Variants in PAPLN observed in about 807,000 individuals in gnomAD.
PAPLN encodes papilin.
A neutral mutation model predicts 159.0 loss-of-function variants in PAPLN; 146 were observed. The observed-to-expected ratio is 0.92, with a 90% CI of 0.80 to 1.05. PAPLN has a LOEUF of 1.05. Ranked by LOEUF, PAPLN falls within the 50% of genes least tolerant of loss-of-function variation. The probability of loss-of-function intolerance (pLI) is 0.00; values close to 1 mark genes in which losing one functional copy is unlikely to be tolerated. For missense variants in PAPLN, 1,720 were observed against 1,743.9 expected (o/e 0.99, Z 0.24); for synonymous variants, 734 against 702.9 (o/e 1.04, Z -0.70).
chr14:73,242,130 G>A (rs1372730108), intron 2 of PAPLN, among the ~76,000 whole-genome samples: 2 of 152,250 alleles, frequency 1.3e-5, no homozygotes, highest in Non-Finnish European at 1.5e-5. Flanking sequence ...CTTCCTTGGA[G>A]AGACAGTGTG....
intron 2 of PAPLN, among the ~76,000 whole-genome samples, chr14:73,241,848 G>A (rs1044690517): frequency 6.6e-6 from 1 of 152,274 alleles, no homozygotes; most frequent in African/African-American, 2.4e-5. Context: ...GGGTGTGCAT[G>A]TGTTCTGTCT....
Position 73,250,961 on chromosome 14 carries a change from C to T in PAPLN, c.520C>T (p.Arg174Trp), listed in dbSNP as rs73305094. The change falls in exon 7 of 27, where the codon CGG (arginine) becomes TGG (tryptophan). Residue 174 changes from arginine to tryptophan, a missense_variant. Arg to Trp is a moderately radical substitution (Grantham distance 101). Coordinates refer to ENST00000644200, the MANE Select transcript of PAPLN (RefSeq NM_001365906.3). ...GTCCAAGCAGGAGGACAAGTGTCTGCGGTGTGGGGGTGACGGCACGACCTG... is the reference window on the plus strand; with the variant it reads ...GTCCAAGCAGGAGGACAAGTGTCTGTGGTGTGGGGGTGACGGCACGACCTG... ...DSSKQEDKCL[R>W]CGGDGTTCYP... The T allele has an allele frequency of 4.7e-4, 761 of 1,613,636 alleles. 8 individuals are homozygous for T. In the South Asian group the frequency reaches 5.9e-3, roughly 12 times the overall value.
At position 73,269,679 on chromosome 14, in the gene PAPLN, C is replaced by T. The variant is rs1277332279; in HGVS notation, c.3667+956C>T. On this transcript the variant is annotated intron_variant, in intron 26 of 26. Coordinates refer to ENST00000644200, the MANE Select transcript of PAPLN (RefSeq NM_001365906.3). ...CTTCCTTGTGTCCTTGGTTCTTGTTCACGGAGGGACTGAAGACAGAGTGGT... is the reference window on the plus strand; with the variant it reads ...CTTCCTTGTGTCCTTGGTTCTTGTTTACGGAGGGACTGAAGACAGAGTGGT... Among the ~76,000 whole-genome samples the T allele has an allele frequency of 2.6e-5, 4 of 152,306 alleles. No homozygotes were observed. In the East Asian group the frequency reaches 7.7e-4, roughly 29 times the overall value.
At chr14:73,236,159 A>G (rs372335277), upstream of PAPLN, among the ~76,000 whole-genome samples, 56 of 148,894 alleles carry the variant, frequency 3.8e-4, 1 homozygote, top group East Asian at 9.1e-3. Flanking sequence ...AGTGAATTCC[A>G]GTTTCAAAAA....
rs557189685 is a variant in PAPLN at position 73,244,890 on chromosome 14, C to T, written c.170+131C>T. On this transcript the variant is annotated intron_variant, in intron 3 of 26. Coordinates refer to ENST00000644200, the MANE Select transcript of PAPLN (RefSeq NM_001365906.3). ...AGCAGAACCCACCAAGGAGCAGATT[C>T]ATTCTGGAAGCAGCATCAGTTCAGC... 20 of 669,538 alleles carry T rather than the reference C, an allele frequency of 3.0e-5. No individual in the cohort carries two copies. The East Asian group carries it at 5.6e-4, about 19-fold the overall frequency. 41.5% of individuals were successfully genotyped at this position (669,538 alleles called of 1,614,324 possible).
intron 5 of PAPLN, among the ~76,000 whole-genome samples, chr14:73,249,565 TA>T (rs1884993362): frequency 6.7e-6 from 1 of 149,744 alleles, no homozygotes; most frequent in East Asian, 2.0e-4. Context: ...TCCCGGCTAC[TA>T]GGGGGGCTGA....
In PAPLN at chr14:73,245,820, C is replaced by A; in HGVS notation, c.231+124C>A. The A allele has an allele frequency of 7.9e-7, 1 of 1,270,162 alleles. No individual in the cohort carries two copies. The highest frequency in any genetic ancestry group is 1.4e-5 in the South Asian group (1 of 70,698). The allele number at this position is 1,270,162 out of a possible 1,614,324, so 78.7% of individuals were successfully genotyped here. ...TTGGCCCAGCCTGGGGTCCTCCCGCCAATCCACAGCAGGGCTGCGTGGGGG... is the reference window on the plus strand; with the variant it reads ...TTGGCCCAGCCTGGGGTCCTCCCGCAAATCCACAGCAGGGCTGCGTGGGGG... On this transcript the variant is annotated intron_variant, in intron 4 of 26. Transcript: ENST00000644200. The surrounding 1 kb of genome is among the most constrained non-coding windows in gnomAD (Gnocchi z 4.2).
intron 26 of PAPLN, among the ~76,000 whole-genome samples, chr14:73,270,281 G>A (rs946855896): frequency 5.9e-5 from 9 of 152,224 alleles, no homozygotes; most frequent in African/African-American, 2.2e-4. Flanking sequence ...GGCGGCTTCC[G>A]CACTGGGTGC....
chr14:73,264,442 G>A (rs1267009917), intron 21 of PAPLN, 107 bp downstream of exon 21: 4 of 1,525,340 alleles, frequency 2.6e-6, no homozygotes, highest in Admixed American at 4.1e-5. Flanking sequence ...GGCCCAGGGT[G>A]TCTCTCTGAG....
Position 73,254,897 on chromosome 14 carries a change from G to A in PAPLN, c.1506G>A (p.Ser502=), listed in dbSNP as rs761705547. 7 of 1,612,314 alleles carry A rather than the reference G, an allele frequency of 4.3e-6. No homozygotes were observed. Among genetic ancestry groups the A allele is most frequent in the South Asian group, 1.1e-5 (1 of 91,064 alleles). Residue 502 remains serine (S), a synonymous_variant, in exon 14 of 27, where the codon TCG becomes TCA. Coordinates refer to ENST00000644200, the MANE Select transcript of PAPLN (RefSeq NM_001365906.3). ...CTCAGTGCTCCAAGAGCTGCAGCTC[G>A]GGCACTCGGAGGCGACAGGTCATCT... ...TWGLCSKSCS[S]GTRRRQVICA...
intron 7 of PAPLN, among the ~76,000 whole-genome samples, 180 bp downstream of exon 7, chr14:73,251,210 C>T (rs140515752): frequency 1.8e-4 from 28 of 152,322 alleles, no homozygotes; most frequent in African/African-American, 6.3e-4. Context: ...CTCGTGCCCG[C>T]TCGTGCAGTC....
Position 73,260,722 on chromosome 14 carries a change from C to G in PAPLN, c.1999C>G (p.Pro667Ala). 2.0e-6 allele frequency: 3 copies of G among 1,470,342 alleles called. No individual in the cohort carries two copies. The highest frequency in any genetic ancestry group is 2.7e-6 in the Non-Finnish European group (3 of 1,115,174). The allele number at this position is 1,470,342 out of a possible 1,614,324, so 91.1% of individuals were successfully genotyped here. A position where few individuals can be genotyped will look rare whatever the true frequency, so the allele number is the denominator to read the frequency against. The change falls in exon 17 of 27, where the codon CCT becomes GCT. Residue 667 changes from proline (P) to alanine (A), a missense_variant. By Grantham distance (27) the Pro-to-Ala change is conservative. Coordinates refer to ENST00000644200, the MANE Select transcript of PAPLN (RefSeq NM_001365906.3). ...ATGTCTGCCTAGGTACGGGTGCTGCCCTGACAGGGTATCTGTCGCTGAGGG... is the reference window on the plus strand; with the variant it reads ...ATGTCTGCCTAGGTACGGGTGCTGCGCTGACAGGGTATCTGTCGCTGAGGG... ...PCQQSRYGCCPDRVSVAEGPH... is the reference protein window; with the variant it reads ...PCQQSRYGCCADRVSVAEGPH...
intron 1 of PAPLN, 140 bp from the exon 2 acceptor site, chr14:73,239,633 C>A (rs1413107862): frequency 7.0e-7 from 1 of 1,426,312 alleles, no homozygotes; most frequent in Non-Finnish European, 9.2e-7. Context: ...CTGCGGTGCA[C>A]CGAGGCGCAC....
chr14:73,238,053 C>A (rs1390945693), intron 1 of PAPLN, among the ~76,000 whole-genome samples: 1 of 152,150 alleles, frequency 6.6e-6, no homozygotes, highest in African/African-American at 2.4e-5. Flanking sequence ...CTCGGGGGTG[C>A]GCGGCGCGTT....
At position 73,262,720 on chromosome 14, in the gene PAPLN, C is replaced by T; in HGVS notation, c.2616C>T (p.Thr872=). 6.6e-7 allele frequency: 1 copy of T among 1,511,114 alleles called. No homozygotes were observed. Among genetic ancestry groups the T allele is most frequent in the Non-Finnish European group, 8.8e-7 (1 of 1,132,758 alleles). 93.6% of individuals were successfully genotyped at this position (1,511,114 alleles called of 1,614,324 possible). The change falls in exon 19 of 27, where the codon ACC becomes ACT. Residue 872 remains threonine (T), a synonymous_variant. Coordinates refer to ENST00000644200, the MANE Select transcript of PAPLN (RefSeq NM_001365906.3). ...QQPGPGEAPH[T]QAFGEWPWGQ... ...CTGGGCCAGGGGAGGCCCCCCACAC[C>T]CAGGCCTTTGGAGAATGGCCATGGG... is the stretch of plus-strand genomic sequence containing the variant.
chr14:73,252,874 T>G (rs945934329), intron 11 of PAPLN, 99 bp downstream of exon 11: 8 of 1,540,722 alleles, frequency 5.2e-6, no homozygotes, highest in African/African-American at 1.4e-5. Context: ...AACAAAGAGG[T>G]GGGGGTCCAG....
intron 1 of PAPLN, among the ~76,000 whole-genome samples, chr14:73,239,388 C>CTT: frequency 6.6e-6 from 1 of 152,346 alleles, no homozygotes; most frequent in Non-Finnish European, 1.5e-5. Context: ...AGTTTTTAAA[C>CTT]ATCTGATGTA....
At chr14:73,263,268 A>G (rs1739681448) in intron 19 of PAPLN, 1 of 354,402 alleles carries the variant, frequency 2.8e-6, no homozygotes, top group Admixed American at 4.2e-5. Flanking sequence ...ATATTAATGA[A>G]GGATTTGGGA....
At chr14:73,267,137 G>T (rs568077119) in intron 25 of PAPLN, among the ~76,000 whole-genome samples, 1 of 152,242 alleles carries the variant, frequency 6.6e-6, no homozygotes, top group South Asian at 2.1e-4. Flanking sequence ...AGCATCCAGG[G>T]CATCTACCCA....
Sources: gnomAD v4.1 joint callset for allele counts (sites outside exome capture counted in the v4.1 genomes callset) on GRCh38, gnomAD v4.1.1 for gene constraint, Gnocchi (gnomAD v3.1) non-coding constraint, MANE v1.5 for transcripts, NCBI Gene and HGNC (gene_info 2026-07-23, HGNC 2026-07-21) for gene names.